VIPR2: variants seen among roughly 807,000 people sequenced by gnomAD.
VIPR2 encodes vasoactive intestinal peptide receptor 2, also known as vasoactive intestinal polypeptide receptor 2.
Under a neutral mutation model 58.0 loss-of-function variants are expected in VIPR2, and 48 were observed. The ratio of observed to expected loss-of-function variants is 0.83; its 90% CI spans 0.66 to 1.05. The LOEUF (loss-of-function observed/expected upper bound fraction) is 1.05. Ranked by LOEUF, VIPR2 falls within the 50% of genes least tolerant of loss-of-function variation. The probability of loss-of-function intolerance (pLI) is 0.00; values close to 1 mark genes in which losing one functional copy is unlikely to be tolerated. For missense variants in VIPR2, 534 were observed against 558.0 expected (o/e 0.96, Z 0.43); for synonymous variants, 243 against 235.2 (o/e 1.03, Z -0.30).
intron 8 of VIPR2, among the ~76,000 whole-genome samples, chr7:159,035,172 A>G (rs1029738067): frequency 6.6e-6 from 1 of 152,092 alleles, no homozygotes; most frequent in African/African-American, 2.4e-5. Flanking sequence ...CAGGGTCCAC[A>G]CCCTGCGCTG....
Position 159,095,806 on chromosome 7 carries a change from T to C in VIPR2, c.357+7951A>G, listed in dbSNP as rs1239748050. Among the ~76,000 whole-genome samples the C allele has an allele frequency of 7.3e-6, 1 of 136,442 alleles. No homozygotes were observed. The highest frequency in any genetic ancestry group is 2.2e-4 in the South Asian group (1 of 4,506). 89.5% of individuals were successfully genotyped at this position (136,442 alleles called of 152,430 possible). A position where few individuals can be genotyped will look rare whatever the true frequency, so the allele number is the denominator to read the frequency against. On this transcript the variant is annotated intron_variant, in intron 4 of 12. Transcript: ENST00000262178. The surrounding 1 kb of genome is among the most constrained non-coding windows in gnomAD (Gnocchi z 5.2). ...CAGTAGGTGAATCCCTTCAAAACTCTTCCTTCTCTCTTTTTTTTTTAAGTC... is the reference window on the plus strand; with the variant it reads ...CAGTAGGTGAATCCCTTCAAAACTCCTCCTTCTCTCTTTTTTTTTTAAGTC...
intron 6 of VIPR2, among the ~76,000 whole-genome samples, chr7:159,041,960 A>C (rs1331517246): frequency 6.6e-6 from 1 of 151,964 alleles, no homozygotes; most frequent in Non-Finnish European, 1.5e-5. Flanking sequence ...GCCCAACTCC[A>C]CCTGGGGAAC....
intron 2 of VIPR2, among the ~76,000 whole-genome samples, chr7:159,119,894 C>T (rs192477515): frequency 2.0e-5 from 3 of 149,796 alleles, no homozygotes; most frequent in Admixed American, 6.6e-5. Flanking sequence ...TTGGAAGAAA[C>T]GCCTGTCCCC....
rs370299428 is a variant in VIPR2, at chr7:159,038,631, G to T, written c.598-1729C>A. ...ATTCTGGGAGTTAGTCACCCATCGG[G>T]ATGCAACGTGCCTTCTTTTGTCTCT... On this transcript the variant is annotated intron_variant, in intron 6 of 12. Coordinates refer to ENST00000262178, the MANE Select transcript of VIPR2 (RefSeq NM_003382.5). Among the ~76,000 whole-genome samples, 479 of 152,218 alleles carry T rather than the reference G, an allele frequency of 3.1e-3. 5 individuals carry two copies. Among genetic ancestry groups the T allele is most frequent in the African/African-American group, 0.011 (454 of 41,536 alleles).
intron 10 of VIPR2, 84 bp downstream of exon 10, chr7:159,034,129 C>T (rs1249385216): frequency 7.0e-7 from 1 of 1,430,982 alleles, no homozygotes; most frequent in East Asian, 2.4e-5. Context: ...CGCCGCACCT[C>T]CAGGGCCTTC....
intron 5 of VIPR2, among the ~76,000 whole-genome samples, chr7:159,047,208 C>T (rs118066386): frequency 0.02 from 3,027 of 152,286 alleles, 47 homozygotes; most frequent in Non-Finnish European, 0.024. Context: ...TGTGCCATTA[C>T]GCTCCAGGCT....
At chr7:159,135,007 T>G (rs1563357277) in intron 2 of VIPR2, among the ~76,000 whole-genome samples, 1 of 118,576 alleles carries the variant, frequency 8.4e-6, no homozygotes, top group Non-Finnish European at 1.7e-5. Flanking sequence ...TACAAAAGTT[T>G]TTTTTTTTTT....
In VIPR2 at chr7:159,033,487, T is replaced by A. The variant is rs925444957; in HGVS notation, c.971+726A>T. On this transcript the variant is annotated intron_variant, in intron 10 of 12. Coordinates refer to ENST00000262178, the MANE Select transcript of VIPR2 (RefSeq NM_003382.5). ...ACTTGAATTTTGGTTTTTACCTTTT[T>A]AAAAAAAAATAAATTCTTGATATAA... 5.3e-5 allele frequency among the ~76,000 whole-genome samples: 8 copies of A among 151,928 alleles called. No homozygotes were observed. The East Asian group carries it at 1.4e-3, about 26-fold the overall frequency.
rs1395003508 is a variant in VIPR2 at position 159,128,604 on chromosome 7, C to T, written c.151+13842G>A. Among the ~76,000 whole-genome samples, 1 of 152,188 alleles carries T rather than the reference C, an allele frequency of 6.6e-6. No homozygotes were observed. The highest frequency in any genetic ancestry group is 1.5e-5 in the Non-Finnish European group (1 of 68,024). On this transcript the variant is annotated intron_variant, in intron 2 of 12. Coordinates refer to ENST00000262178, the MANE Select transcript of VIPR2 (RefSeq NM_003382.5). This position sits in a 1 kb window ranked among gnomAD's most constrained non-coding sequence, Gnocchi z 4.1. The stretch of plus-strand genomic sequence containing the variant: ...TCCATGAAATTTCAGGAGGAGCATC[C>T]ACTGCCATCCTGAAGCCTGGGTCCT...
chr7:159,136,758 A>G (rs768157877), intron 2 of VIPR2, among the ~76,000 whole-genome samples: 4 of 152,220 alleles, frequency 2.6e-5, no homozygotes, highest in Non-Finnish European at 5.9e-5. Context: ...ACCATGGCTC[A>G]TAAGTAAAGA....
chr7:159,141,953 C>A (rs531335438), intron 2 of VIPR2, among the ~76,000 whole-genome samples: 1 of 152,198 alleles, frequency 6.6e-6, no homozygotes, highest in Non-Finnish European at 1.5e-5. Flanking sequence ...TCTGTCAAAC[C>A]GGAGAAGGCG....
chr7:159,106,850 C>A (rs893841217), intron 3 of VIPR2, among the ~76,000 whole-genome samples: 1 of 53,148 alleles, frequency 1.9e-5, no homozygotes, highest in African/African-American at 7.8e-5. Flanking sequence ...GGGAGGCACA[C>A]AGAGGCCAGG....
intron 1 of VIPR2, among the ~76,000 whole-genome samples, chr7:159,143,093 G>C (rs1393606854): frequency 6.6e-6 from 1 of 152,260 alleles, no homozygotes; most frequent in Non-Finnish European, 1.5e-5. Context: ...GATGAGGAGG[G>C]AGGCAGAGGT....
chr7:159,114,934 A>G (rs1796182025), intron 2 of VIPR2, among the ~76,000 whole-genome samples: 1 of 152,216 alleles, frequency 6.6e-6, no homozygotes, highest in Non-Finnish European at 1.5e-5. Context: ...CAGGTTGGGT[A>G]CCTGCAATTC....
intron 5 of VIPR2, among the ~76,000 whole-genome samples, chr7:159,049,446 G>C (rs572857394): frequency 6.6e-6 from 1 of 152,174 alleles, no homozygotes; most frequent in Non-Finnish European, 1.5e-5. Context: ...CAGGGCCTCC[G>C]TGGGTATCTG....
At chr7:159,032,231 G>A (rs541649670) in intron 10 of VIPR2, among the ~76,000 whole-genome samples, 164 bp from the exon 11 acceptor site, 3 of 152,324 alleles carry the variant, frequency 2.0e-5, no homozygotes, top group South Asian at 4.2e-4. Context: ...GTTTCTTTAC[G>A]TTTATGTCTG....
intron 4 of VIPR2, among the ~76,000 whole-genome samples, chr7:159,080,304 T>C (rs1856836954): frequency 6.6e-6 from 1 of 152,234 alleles, no homozygotes; most frequent in Non-Finnish European, 1.5e-5. Flanking sequence ...GATGCAAGGC[T>C]GGTTCAACAT....
In VIPR2 at chr7:159,093,755, C is replaced by T. The variant is rs528272942; in HGVS notation, c.357+10002G>A. The stretch of plus-strand genomic sequence containing the variant: ...GGAGACCCCGCAGCGTCCCTGGGTC[C>T]GGAGATGGGAGACCCCGCAGCGTCC... On this transcript the variant is annotated intron_variant, in intron 4 of 12. Transcript: ENST00000262178. This position sits in a 1 kb window ranked among gnomAD's most constrained non-coding sequence, Gnocchi z 6.7. Among the ~76,000 whole-genome samples, 25 of 151,032 alleles carry T rather than the reference C, an allele frequency of 1.7e-4. No individual in the cohort carries two copies. The highest frequency in any genetic ancestry group is 5.1e-4 in the African/African-American group (21 of 41,132).
chr7:159,045,189 CCTAAGAGA>C (rs1554501028), intron 5 of VIPR2, among the ~76,000 whole-genome samples: 2 of 152,124 alleles, frequency 1.3e-5, no homozygotes, highest in Non-Finnish European at 2.9e-5. Context: ...AGCCCAAGAG[CCTAAGAGA>C]CTTGTGGAAT....
Sources: gnomAD v4.1 joint callset for allele counts (sites outside exome capture counted in the v4.1 genomes callset) on GRCh38, gnomAD v4.1.1 for gene constraint, Gnocchi (gnomAD v3.1) non-coding constraint, MANE v1.5 for transcripts, NCBI Gene and HGNC (gene_info 2026-07-23, HGNC 2026-07-21) for gene names.